The following LRP12 variants were observed in gnomAD, a reference collection of about 807,000 sequenced individuals.
LRP12 encodes low-density lipoprotein receptor-related protein 12.
A neutral mutation model predicts 66.0 loss-of-function variants in LRP12; 14 were observed. The observed-to-expected ratio is 0.21, with a 90% CI of 0.14 to 0.33. The LOEUF (loss-of-function observed/expected upper bound fraction) is 0.33. Ranked by LOEUF, LRP12 falls within the 10% of genes least tolerant of loss-of-function variation. The pLI is 1.00. For synonymous variants in LRP12, 357 were observed against 359.1 expected (o/e 0.99, Z 0.07); for missense variants, 889 against 1,053.4 (o/e 0.84, Z 2.16).
At chr8:104,498,154 GATATTTTT>G in intron 4 of LRP12, 78 bp from the exon 5 acceptor site, 1 of 1,310,406 alleles carries the variant, frequency 7.6e-7, no homozygotes, top group East Asian at 2.5e-5. Flanking sequence ...AACAGCAAGT[GATATTTTT>G]ATAATAAATG....
At chr8:104,527,955 A>C (rs1811266640) in intron 2 of LRP12, among the ~76,000 whole-genome samples, 1 of 152,204 alleles carries the variant, frequency 6.6e-6, no homozygotes, top group Non-Finnish European at 1.5e-5. Flanking sequence ...TCCTTGGCAC[A>C]AGGTCCTATC....
chr8:104,553,691 T>C (rs1811761236), intron 1 of LRP12, among the ~76,000 whole-genome samples: 1 of 152,144 alleles, frequency 6.6e-6, no homozygotes, highest in South Asian at 2.1e-4. Context: ...CATAATCTCT[T>C]GGGAGCTCTG....
chr8:104,588,656 G>A (rs1347994788), intron 1 of LRP12, among the ~76,000 whole-genome samples, 163 bp downstream of exon 1: 1 of 152,060 alleles, frequency 6.6e-6, no homozygotes, highest in East Asian at 2.0e-4. Context: ...ATCTCCGTGT[G>A]GGGACACCCG....
rs1313180208 is a variant in LRP12 at position 104,588,982 on chromosome 8, C to CCGCCGCCGA, written c.-86_-85insTCGGCGGCG. The CCGCCGCCGA allele has an allele frequency of 3.8e-3, 2,926 of 765,482 alleles. 17 individuals are homozygous for CCGCCGCCGA. The highest frequency in any genetic ancestry group is 4.3e-3 in the Non-Finnish European group (2,175 of 503,266). The allele number at this position is 765,482 out of a possible 1,614,324, so 47.4% of individuals were successfully genotyped here. A position where few individuals can be genotyped will look rare whatever the true frequency, so the allele number is the denominator to read the frequency against. The stretch of plus-strand genomic sequence containing the variant: ...GTAGACGACGCCGACGCCGCCGCCG[C>CCGCCGCCGA]CGCCGCCGCCGCCGCCGAGCCACCG... On this transcript the variant is annotated 5_prime_UTR_variant, in exon 1 of 7. Coordinates refer to ENST00000276654, the MANE Select transcript of LRP12 (RefSeq NM_013437.5).
chr8:104,537,181 T>C (rs11784193), intron 1 of LRP12, among the ~76,000 whole-genome samples: 10,525 of 152,080 alleles, frequency 0.069, 419 homozygotes, highest in South Asian at 0.081. Flanking sequence ...GGAGACTTCC[T>C]GGACTCTGGC....
At chr8:104,549,785 A>T (rs1588502111) in intron 1 of LRP12, among the ~76,000 whole-genome samples, 1 of 152,282 alleles carries the variant, frequency 6.6e-6, no homozygotes, top group South Asian at 2.1e-4. Context: ...TCATCTGGAT[A>T]CTCAATGCTA....
intron 3 of LRP12, among the ~76,000 whole-genome samples, chr8:104,500,484 G>T (rs909755529): frequency 6.6e-6 from 1 of 152,050 alleles, no homozygotes. Flanking sequence ...GAGGTGGGCG[G>T]ATCACGAAGT....
At chr8:104,579,791 C>T (rs1291830982) in intron 1 of LRP12, among the ~76,000 whole-genome samples, 2 of 152,170 alleles carry the variant, frequency 1.3e-5, no homozygotes, top group South Asian at 2.1e-4. Context: ...CTACAACTAA[C>T]TGATCTTCAA....
Position 104,589,095 on chromosome 8 carries a change from G to C in LRP12, c.-198C>G, listed in dbSNP as rs187143989. The C allele has an allele frequency of 8.6e-3, 2,263 of 263,626 alleles. 152 individuals carry two copies. In the East Asian group the frequency reaches 0.11, roughly 12 times the overall value. The allele number at this position is 263,626 out of a possible 1,614,324, so 16.3% of individuals were successfully genotyped here. A position where few individuals can be genotyped will look rare whatever the true frequency, so the allele number is the denominator to read the frequency against. ...GCGCTCCCTCCTCCCTCCTCCCTCC[G>C]GCTCGCCTGCTCCCACCCCGGGCGG... On this transcript the variant is annotated 5_prime_UTR_variant, in exon 1 of 7. Transcript: ENST00000276654.
chr8:104,570,894 C>T (rs1812069537), intron 1 of LRP12, among the ~76,000 whole-genome samples: 1 of 151,998 alleles, frequency 6.6e-6, no homozygotes. Flanking sequence ...AGCAAAAAAC[C>T]ACCAACCCAA....
chr8:104,548,656 T>TAATATATAATTAAATTA (rs1811677711), intron 1 of LRP12, among the ~76,000 whole-genome samples: 1 of 132,826 alleles, frequency 7.5e-6, no homozygotes, highest in African/African-American at 2.9e-5. Context: ...ATTATATAAT[T>TAATATATAATTAAATTA]ATTATATAAT....
chr8:104,501,800 G>A (rs370028661), intron 3 of LRP12, among the ~76,000 whole-genome samples: 10 of 151,578 alleles, frequency 6.6e-5, no homozygotes, highest in African/African-American at 1.9e-4. Flanking sequence ...TTTCTTAATG[G>A]AACCTTTTAA....
intron 2 of LRP12, among the ~76,000 whole-genome samples, chr8:104,520,534 A>G (rs984347704): frequency 6.6e-6 from 1 of 152,006 alleles, no homozygotes; most frequent in African/African-American, 2.4e-5. Context: ...GTATACTCAC[A>G]TCTTCTATGA....
chr8:104,547,586 A>G (rs1811603086), intron 1 of LRP12, among the ~76,000 whole-genome samples: 1 of 120,940 alleles, frequency 8.3e-6, no homozygotes, highest in African/African-American at 3.3e-5. Context: ...ATATATTAAT[A>G]TATAATATAT....
intron 2 of LRP12, among the ~76,000 whole-genome samples, chr8:104,524,885 A>C (rs940469248): frequency 1.3e-5 from 2 of 152,180 alleles, no homozygotes; most frequent in African/African-American, 2.4e-5. Flanking sequence ...ATCACAGATT[A>C]CAGAGTAATT....
At chr8:104,560,503 T>C (rs541495617) in intron 1 of LRP12, among the ~76,000 whole-genome samples, 14 of 152,172 alleles carry the variant, frequency 9.2e-5, no homozygotes, top group Admixed American at 2.6e-4. Flanking sequence ...AAACCTACCA[T>C]AGATAGTAAT....
At chr8:104,519,064 T>C (rs2140851546) in intron 2 of LRP12, among the ~76,000 whole-genome samples, 1 of 152,192 alleles carries the variant, frequency 6.6e-6, no homozygotes, top group Non-Finnish European at 1.5e-5. Flanking sequence ...CTAAGCCCTG[T>C]AACCTGAACA....
chr8:104,552,059 C>T (rs114685146), intron 1 of LRP12, among the ~76,000 whole-genome samples: 1,979 of 152,270 alleles, frequency 0.013, 49 homozygotes, highest in African/African-American at 0.044. Context: ...CATTCTTCCA[C>T]GAGTGAACGA....
chr8:104,522,827 T>C (rs748830681), intron 2 of LRP12, among the ~76,000 whole-genome samples: 2 of 151,124 alleles, frequency 1.3e-5, no homozygotes, highest in Non-Finnish European at 2.9e-5. Context: ...AGGCCATGAA[T>C]CAAGAAGAAA....
Sources: gnomAD v4.1 joint callset for allele counts (sites outside exome capture counted in the v4.1 genomes callset) on GRCh38, gnomAD v4.1.1 for gene constraint, MANE v1.5 for transcripts, NCBI Gene and HGNC (gene_info 2026-07-23, HGNC 2026-07-21) for gene names.